The following TNPO1 variants were observed in gnomAD, a reference collection of about 807,000 sequenced individuals.
TNPO1 encodes transportin-1.
Under a neutral mutation model 119.5 loss-of-function variants are expected in TNPO1, and 8 were observed. That is an observed-to-expected ratio of 0.07 (90% CI 0.04 to 0.12). The LOEUF (loss-of-function observed/expected upper bound fraction) is 0.12, where lower values mean the gene tolerates loss of function less well. Ranked by LOEUF, TNPO1 falls within the 10% of genes least tolerant of loss-of-function variation. The probability of loss-of-function intolerance (pLI) is 1.00; values close to 1 mark genes in which losing one functional copy is unlikely to be tolerated. For missense variants in TNPO1, 576 were observed against 1,089.8 expected, an observed-to-expected ratio of 0.53 and a Z score of 6.64; for synonymous variants, 362 against 363.0, an observed-to-expected ratio of 1.00 and a Z score of 0.03.
At chr5:72,875,827 C>T in intron 8 of TNPO1, 90 bp downstream of exon 8, 1 of 1,388,222 alleles carries the variant, frequency 7.2e-7, no homozygotes, top group Non-Finnish European at 9.8e-7. Context: ...GGGAAGGGGA[C>T]TATAAAATAG....
At chr5:72,898,231 A>T (rs1749576360) in intron 20 of TNPO1, among the ~76,000 whole-genome samples, 1 of 152,152 alleles carries the variant, frequency 6.6e-6, no homozygotes, top group Non-Finnish European at 1.5e-5. Context: ...ATTATTGTGG[A>T]ACCTAAAGAA....
intron 5 of TNPO1, among the ~76,000 whole-genome samples, chr5:72,862,641 T>A (rs939340298): frequency 4.0e-5 from 6 of 151,798 alleles, no homozygotes; most frequent in Non-Finnish European, 8.8e-5. Context: ...TTGTCTTCGT[T>A]TTTTTTGTTT....
At chr5:72,873,878 G>A (rs1247489160) in intron 7 of TNPO1, among the ~76,000 whole-genome samples, 1 of 152,068 alleles carries the variant, frequency 6.6e-6, no homozygotes, top group Non-Finnish European at 1.5e-5. Flanking sequence ...CACAGAGTAA[G>A]CAGGCACTTC....
At chr5:72,861,391 T>G (rs144003828) in intron 4 of TNPO1, among the ~76,000 whole-genome samples, 1 of 152,130 alleles carries the variant, frequency 6.6e-6, no homozygotes, top group Admixed American at 6.5e-5. Context: ...AATGGTGATA[T>G]GGGTGTTGGT....
chr5:72,849,557 A>T (rs1227307414), intron 2 of TNPO1, among the ~76,000 whole-genome samples: 1 of 152,212 alleles, frequency 6.6e-6, no homozygotes, highest in Non-Finnish European at 1.5e-5. Flanking sequence ...ATTTACCCCG[A>T]GGGTTTCGCA....
At chr5:72,855,029 C>T (rs943176136) in intron 3 of TNPO1, among the ~76,000 whole-genome samples, 20 of 151,644 alleles carry the variant, frequency 1.3e-4, no homozygotes, top group African/African-American at 4.1e-4. Context: ...CTCACTCTGT[C>T]GCCTGGGCTG....
At position 72,903,779 on chromosome 5, in the gene TNPO1, G is replaced by A. The variant is rs1749950810; in HGVS notation, c.2585G>A (p.Cys862Tyr). 1 of 1,598,344 alleles carries A rather than the reference G, an allele frequency of 6.3e-7. No individual in the cohort carries two copies. Among genetic ancestry groups the A allele is most frequent in the African/African-American group, 1.3e-5 (1 of 74,576 alleles). Reference sequence around the variant, plus strand: ...AAAGATGATCTCAGAGACATGTTCTGTAAGGTAACTAATAAGTCTTTATAA... The same window carrying A: ...AAAGATGATCTCAGAGACATGTTCTATAAGGTAACTAATAAGTCTTTATAA... ...NPKDDLRDMF[C>Y]KILHGFKNQV... Residue 862 changes from cysteine to tyrosine, a missense_variant, in exon 23 of 25, where the codon TGT (cysteine) becomes TAT (tyrosine). This residue lies in a region of TNPO1 where 162 missense variants were observed against 294.1 expected (regional missense o/e 0.55). Coordinates refer to ENST00000337273, the MANE Select transcript of TNPO1 (RefSeq NM_002270.4).
chr5:72,834,596 G>A (rs1744610682), intron 1 of TNPO1, among the ~76,000 whole-genome samples: 1 of 152,210 alleles, frequency 6.6e-6, no homozygotes. Context: ...TTGTATAGCT[G>A]TACAGTGTGT....
intron 6 of TNPO1, among the ~76,000 whole-genome samples, chr5:72,870,100 A>G (rs1747265149): frequency 6.6e-6 from 1 of 151,960 alleles, no homozygotes; most frequent in African/African-American, 2.4e-5. Flanking sequence ...TTACGTTGGA[A>G]TAACATTAAA....
rs563268186 is a variant in TNPO1, at chr5:72,852,035, T to G, written c.205+716T>G. On this transcript the variant is annotated intron_variant, in intron 3 of 24. Transcript: ENST00000337273. The stretch of plus-strand genomic sequence containing the variant: ...ATTTATCCCATCTTCCAGAGATGAT[T>G]ATTGTTGATCTCTTCAATTATATCC... Among the ~76,000 whole-genome samples the G allele has an allele frequency of 5.9e-5, 9 of 152,322 alleles. No homozygotes were observed. In the East Asian group the frequency reaches 1.7e-3, roughly 29 times the overall value.
At chr5:72,903,853 G>A in intron 23 of TNPO1, 70 bp downstream of exon 23, 1 of 1,080,090 alleles carries the variant, frequency 9.3e-7, no homozygotes, top group Non-Finnish European at 1.4e-6. Flanking sequence ...TTTAAATTAT[G>A]TTTACATTTT....
At chr5:72,836,020 G>C (rs1000978339) in intron 1 of TNPO1, among the ~76,000 whole-genome samples, 3 of 152,214 alleles carry the variant, frequency 2.0e-5, no homozygotes, top group African/African-American at 7.2e-5. Context: ...CAAGTCTCCA[G>C]GTCACCCTGT....
intron 12 of TNPO1, among the ~76,000 whole-genome samples, chr5:72,887,728 G>C (rs1317679372): frequency 6.6e-6 from 1 of 151,912 alleles, no homozygotes; most frequent in East Asian, 1.9e-4. Flanking sequence ...AGAATGAAAG[G>C]CTCTGATGTC....
chr5:72,882,113 A>G (rs1400563868), intron 9 of TNPO1, among the ~76,000 whole-genome samples: 1 of 152,208 alleles, frequency 6.6e-6, no homozygotes, highest in Non-Finnish European at 1.5e-5. Context: ...AAATACCTGT[A>G]TCTTACAAAA....
chr5:72,875,263 C>A (rs533979019), intron 7 of TNPO1, among the ~76,000 whole-genome samples: 85 of 152,174 alleles, frequency 5.6e-4, no homozygotes, highest in African/African-American at 2.0e-3. Flanking sequence ...AATCTATTAC[C>A]ACCTCTCACC....
intron 24 of TNPO1, chr5:72,905,663 G>A (rs1285921690): frequency 4.1e-6 from 1 of 246,834 alleles, no homozygotes; most frequent in Non-Finnish European, 7.7e-6. Flanking sequence ...GGGAGGCCAA[G>A]GTGGGCAGGT....
intron 6 of TNPO1, among the ~76,000 whole-genome samples, chr5:72,866,291 C>T (rs1002812396): frequency 6.6e-6 from 1 of 152,106 alleles, no homozygotes; most frequent in African/African-American, 2.4e-5. Flanking sequence ...TGAGAACATG[C>T]AGGTATTTGG....
At chr5:72,874,674 C>G (rs1300009447) in intron 7 of TNPO1, among the ~76,000 whole-genome samples, 1 of 152,188 alleles carries the variant, frequency 6.6e-6, no homozygotes, top group African/African-American at 2.4e-5. Context: ...GTACTTCACA[C>G]AGTGTCCCAT....
chr5:72,892,022 A>G (rs1174034756), intron 15 of TNPO1, 126 bp downstream of exon 15: 2 of 676,006 alleles, frequency 3.0e-6, no homozygotes, highest in Non-Finnish European at 2.5e-6. Context: ...ATTATATGAT[A>G]CATACTGTTC....
Sources: gnomAD v4.1 joint callset for allele counts (sites outside exome capture counted in the v4.1 genomes callset) on GRCh38, gnomAD v4.1.1 for gene constraint, gnomAD v4.1.1 regional missense constraint, MANE v1.5 for transcripts, NCBI Gene and HGNC (gene_info 2026-07-23, HGNC 2026-07-21) for gene names.